The following NBPF20 variants were observed in gnomAD, a reference collection of about 807,000 sequenced individuals.
The protein encoded by NBPF20 is NBPF member 20.
NBPF20 carries 90 observed loss-of-function variants against 68.1 expected under a neutral mutation model. The ratio of observed to expected loss-of-function variants is 1.32; its 90% CI spans 1.11 to 1.58. The LOEUF is 1.58. NBPF20 is among the 40% of genes most tolerant of loss of function. The pLI is 0.00. For missense variants in NBPF20, 816 were observed against 601.2 expected (o/e 1.36, Z -3.74); for synonymous variants, 290 against 228.1 (o/e 1.27, Z -2.45).
chr1:145,397,969 A>C (rs1421287288), intron 7 of NBPF20, among the ~76,000 whole-genome samples: 2 of 152,224 alleles, frequency 1.3e-5, no homozygotes, highest in East Asian at 3.8e-4. Flanking sequence ...AAACCAACCA[A>C]GATCAAAAGA....
At chr1:145,413,414 ATATC>A in the NBPF20 span, among the ~76,000 whole-genome samples, 1 of 151,802 alleles carries the variant, frequency 6.6e-6, no homozygotes, top group African/African-American at 2.4e-5. Flanking sequence ...AAACATTCAA[ATATC>A]TATCAATACA....
the NBPF20 span, among the ~76,000 whole-genome samples, chr1:145,410,787 CATATATATACGTATATGT>C: frequency 5.2e-5 from 6 of 115,014 alleles, no homozygotes; most frequent in East Asian, 2.4e-4. Flanking sequence ...TATACACACA[CATATATATACGTATATGT>C]ATATATATAC....
At chr1:145,291,769 C>T (rs376913027) in exon 138 of NBPF20, 3 of 1,611,742 alleles carry the variant, frequency 1.9e-6, no homozygotes, top group Admixed American at 1.7e-5. Context: ...CGCCGTTGAG[C>T]CTGGAAAAGG....
At chr1:145,407,500 AAT>A (rs1204042294), upstream of NBPF20, among the ~76,000 whole-genome samples, 5 of 146,256 alleles carry the variant, frequency 3.4e-5, no homozygotes, top group East Asian at 3.9e-4. Flanking sequence ...GAATATATAT[AAT>A]ATATATACGT....
At chr1:145,405,460 C>A in exon 1 of NBPF20, 2 of 1,553,194 alleles carry the variant, frequency 1.3e-6, no homozygotes, top group African/African-American at 2.8e-5. Flanking sequence ...TCCTTCACCA[C>A]AAAAACAAGG....
At chr1:145,393,588 TG>T in intron 9 of NBPF20, 1 of 651,956 alleles carries the variant, frequency 1.5e-6, no homozygotes, top group South Asian at 1.9e-5. Context: ...ACAGTGATCA[TG>T]AAAAGCATGT....
upstream of NBPF20, among the ~76,000 whole-genome samples, chr1:145,409,937 C>T (rs1327052667): frequency 1.3e-5 from 2 of 151,874 alleles, no homozygotes; most frequent in Non-Finnish European, 2.9e-5. Context: ...CTCTTCCTCC[C>T]CAGTTCATCT....
chr1:145,394,666 C>G (rs1218380388), intron 8 of NBPF20, among the ~76,000 whole-genome samples: 2 of 152,008 alleles, frequency 1.3e-5, no homozygotes, highest in Non-Finnish European at 2.9e-5. Context: ...GCTGAGCTGA[C>G]AGACAACTCC....
chr1:145,419,859 A>T, the NBPF20 span, among the ~76,000 whole-genome samples: 1 of 152,138 alleles, frequency 6.6e-6, no homozygotes. Flanking sequence ...GTCCACCACA[A>T]GGTCCTGGGG....
At chr1:145,424,790 G>C in the NBPF20 span, among the ~76,000 whole-genome samples, 1 of 152,144 alleles carries the variant, frequency 6.6e-6, no homozygotes, top group Non-Finnish European at 1.5e-5. Context: ...CGGAAATCCT[G>C]CGGTGAATTT....
upstream of NBPF20, among the ~76,000 whole-genome samples, chr1:145,406,622 T>C (rs1174775011): frequency 6.7e-6 from 1 of 150,278 alleles, no homozygotes; most frequent in Non-Finnish European, 1.5e-5. Flanking sequence ...TCTTTTAAAC[T>C]ATGCCAGGTG....
chr1:145,413,584 G>A, the NBPF20 span, among the ~76,000 whole-genome samples: 4 of 150,750 alleles, frequency 2.7e-5, no homozygotes, highest in Non-Finnish European at 4.4e-5. Flanking sequence ...AATAATAATG[G>A]TTTCAAGAAA....
At chr1:145,404,281 A>C (rs1409839741) in intron 2 of NBPF20, among the ~76,000 whole-genome samples, 1 of 151,078 alleles carries the variant, frequency 6.6e-6, no homozygotes, top group African/African-American at 2.4e-5. Flanking sequence ...TTGTTTTTTG[A>C]CGAGTCTTGC....
At chr1:145,419,828 GA>G in the NBPF20 span, among the ~76,000 whole-genome samples, 1 of 152,178 alleles carries the variant, frequency 6.6e-6, no homozygotes, top group Non-Finnish European at 1.5e-5. Context: ...GTCACCCCAT[GA>G]ATGCTCAGTG....
exon 138 of NBPF20, chr1:145,291,258 G>GAGAT (rs1661055151): frequency 1.0e-5 from 6 of 593,906 alleles, no homozygotes; most frequent in South Asian, 6.2e-5. Context: ...TAGCTACCCA[G>GAGAT]AGATACGTGG....
At position 145,291,762 on chromosome 1, in the gene NBPF20, CG is replaced by C; in HGVS notation, c.16704del (p.Asn5568LysfsTer4). ...GGCTCTTCCACTTCCATCAGCACGC[CG>C]TTGAGCCTGGAAAAGGAGACAAAAC... On this transcript the variant is annotated frameshift_variant, in exon 138 of 138. Coordinates refer to ENST00000369373, the Ensembl canonical transcript of NBPF20. LOFTEE classifies it high-confidence loss of function. 2 of 1,611,764 alleles carry C rather than the reference CG, an allele frequency of 1.2e-6. No individual in the cohort carries two copies. Among genetic ancestry groups the C allele is most frequent in the Non-Finnish European group, 1.7e-6 (2 of 1,179,836 alleles).
At chr1:145,291,360 C>T (rs587697203) in exon 138 of NBPF20, 20 of 1,485,948 alleles carry the variant, frequency 1.3e-5, no homozygotes, top group South Asian at 1.3e-4. Context: ...TGTCTTCAGA[C>T]TGAGCACAGG....
At position 145,402,224 on chromosome 1, in the gene NBPF20, C is replaced by A; in HGVS notation, c.436G>T (p.Glu146Ter). 1 of 1,605,936 alleles carries A rather than the reference C, an allele frequency of 6.2e-7. No homozygotes were observed. The highest frequency in any genetic ancestry group is 8.5e-7 in the Non-Finnish European group (1 of 1,174,422). ...AGTCTACACCCCTCAGCCAGCTGTT[C>A]TTGGAGGTCCTGCCCCTGGGACTTG... The change falls in exon 4 of 138, where the codon GAA becomes TAA. Residue 146 changes from glutamate (E) to a stop codon, truncating the protein, a stop_gained. Transcript: ENST00000369373. LOFTEE classifies it high-confidence loss of function.
chr1:145,419,583 G>A, the NBPF20 span, among the ~76,000 whole-genome samples: 1 of 152,066 alleles, frequency 6.6e-6, no homozygotes, highest in South Asian at 2.1e-4. Context: ...GCAGGTGGGG[G>A]CCTCAGCCCC....
Sources: allele counts gnomAD v4.1 joint callset (sites outside exome capture counted in the v4.1 genomes callset), GRCh38; gene constraint gnomAD v4.1.1; transcripts MANE v1.5; gene names NCBI Gene and HGNC (gene_info 2026-07-23, HGNC 2026-07-21).